The following NPAS3 variants were observed in gnomAD, a reference collection of about 807,000 sequenced individuals.
NPAS3 encodes neuronal PAS domain protein 3.
A neutral mutation model predicts 73.1 loss-of-function variants in NPAS3; 14 were observed. That is an observed-to-expected ratio of 0.19 (90% CI 0.13 to 0.30). The LOEUF is 0.30. Ranked by LOEUF, NPAS3 falls within the 10% of genes least tolerant of loss-of-function variation. The pLI, the probability that NPAS3 is intolerant of heterozygous loss-of-function variation, is 1.00. For synonymous variants in NPAS3, 620 were observed against 541.5 expected (o/e 1.14, Z -2.01); for missense variants, 1,096 against 1,250.0 (o/e 0.88, Z 1.86).
At chr14:33,566,414 G>A (rs1203521476) in intron 5 of NPAS3, among the ~76,000 whole-genome samples, 3 of 152,018 alleles carry the variant, frequency 2.0e-5, no homozygotes, top group Admixed American at 1.3e-4. Context: ...TCCTCTGTTC[G>A]ATCCAGATAT....
At chr14:33,379,499 G>T (rs921183584) in intron 4 of NPAS3, among the ~76,000 whole-genome samples, 1 of 152,160 alleles carries the variant, frequency 6.6e-6, no homozygotes, top group African/African-American at 2.4e-5. Context: ...CTTTAGAGTA[G>T]CCCTTGGTGG....
chr14:33,304,720 GCA>G (rs2042690071), intron 3 of NPAS3, among the ~76,000 whole-genome samples: 1 of 151,938 alleles, frequency 6.6e-6, no homozygotes, highest in African/African-American at 2.4e-5. Flanking sequence ...GGTTTATCTA[GCA>G]TCTATAACCA....
chr14:33,787,085 C>T (rs985819283), intron 9 of NPAS3, among the ~76,000 whole-genome samples: 1 of 152,006 alleles, frequency 6.6e-6, no homozygotes, highest in Admixed American at 6.6e-5. Flanking sequence ...AAAAAAAATA[C>T]TCTATCCTTA....
chr14:33,016,100 A>T (rs2039382371), intron 1 of NPAS3, among the ~76,000 whole-genome samples: 2 of 152,160 alleles, frequency 1.3e-5, no homozygotes, highest in South Asian at 4.1e-4. Context: ...GCTTTGCCCT[A>T]AAAAACAATC....
chr14:33,223,162 T>C (rs1364696202), intron 3 of NPAS3, among the ~76,000 whole-genome samples: 5 of 152,038 alleles, frequency 3.3e-5, no homozygotes, highest in Non-Finnish European at 4.4e-5. Context: ...AATACAAAAA[T>C]TAGCCAGGTG....
At chr14:33,169,877 C>T (rs888764781) in intron 2 of NPAS3, among the ~76,000 whole-genome samples, 7 of 152,146 alleles carry the variant, frequency 4.6e-5, no homozygotes, top group African/African-American at 7.2e-5. Flanking sequence ...GAGACCTTGT[C>T]GGTACCTGAT....
intron 4 of NPAS3, among the ~76,000 whole-genome samples, chr14:33,554,215 C>G (rs2055250210): frequency 6.6e-6 from 1 of 152,172 alleles, no homozygotes; most frequent in African/African-American, 2.4e-5. Flanking sequence ...GCAAAGCTGT[C>G]TTAGCAGCTA....
intron 2 of NPAS3, among the ~76,000 whole-genome samples, chr14:33,121,921 A>G (rs910879612): frequency 3.9e-5 from 6 of 152,162 alleles, no homozygotes; most frequent in African/African-American, 1.4e-4. Context: ...CTCAGATGAC[A>G]GAAGTTTATC....
chr14:33,145,259 CT>C (rs1198908930), intron 2 of NPAS3, among the ~76,000 whole-genome samples: 1 of 152,050 alleles, frequency 6.6e-6, no homozygotes, highest in Admixed American at 6.5e-5. Context: ...GAATGTCTTT[CT>C]TTTCCAATCC....
chr14:33,274,879 TAAGAA>T (rs1368226731), intron 3 of NPAS3, among the ~76,000 whole-genome samples: 1 of 152,156 alleles, frequency 6.6e-6, no homozygotes, highest in Admixed American at 6.5e-5. Context: ...CATTTTTATA[TAAGAA>T]AAGTTCAAGG....
intron 7 of NPAS3, 50 bp from the exon 8 acceptor site, chr14:33,774,287 A>G (rs1204399525): frequency 1.4e-6 from 2 of 1,447,546 alleles, no homozygotes; most frequent in East Asian, 2.3e-5. Context: ...ATGCTGTTAT[A>G]TCTGGGATGT....
intron 2 of NPAS3, among the ~76,000 whole-genome samples, chr14:33,106,589 T>A (rs949857921): frequency 6.6e-5 from 10 of 152,204 alleles, no homozygotes; most frequent in Non-Finnish European, 1.2e-4. Context: ...GAGACCACCT[T>A]AGTCTTCCAC....
At chr14:33,238,623 A>G (rs1431115155) in intron 3 of NPAS3, among the ~76,000 whole-genome samples, 3 of 152,016 alleles carry the variant, frequency 2.0e-5, no homozygotes, top group Non-Finnish European at 2.9e-5. Context: ...ATGGCAAAAG[A>G]CGATACTGTC....
chr14:33,098,999 C>T (rs1420857613), intron 2 of NPAS3, among the ~76,000 whole-genome samples: 4 of 152,140 alleles, frequency 2.6e-5, no homozygotes, highest in Admixed American at 6.5e-5. Context: ...TCCTTGTATC[C>T]GTGGAGCCGA....
intron 2 of NPAS3, among the ~76,000 whole-genome samples, chr14:33,065,111 T>A (rs1247712409): frequency 6.6e-6 from 1 of 152,202 alleles, no homozygotes; most frequent in Non-Finnish European, 1.5e-5. Context: ...CGAGAACTAG[T>A]GATATACTCA....
intron 3 of NPAS3, among the ~76,000 whole-genome samples, chr14:33,226,161 T>G (rs552918797): frequency 1.3e-5 from 2 of 152,312 alleles, no homozygotes; most frequent in South Asian, 2.1e-4. Flanking sequence ...TTTCTCACTT[T>G]AATATAGCAA....
chr14:33,118,100 T>C (rs2043124129), intron 2 of NPAS3, among the ~76,000 whole-genome samples: 1 of 152,124 alleles, frequency 6.6e-6, no homozygotes, highest in Admixed American at 6.6e-5. Context: ...TAAGGAATTA[T>C]GTTGAATGAC....
At chr14:33,011,076 C>T (rs2383418) in intron 1 of NPAS3, among the ~76,000 whole-genome samples, 89,624 of 151,922 alleles carry the variant, frequency 0.59, 27,810 homozygotes, top group Non-Finnish European at 0.7. Flanking sequence ...TGGGTTAAAT[C>T]GAGGAATAGA....
intron 11 of NPAS3, 54 bp downstream of exon 11, chr14:33,797,635 G>T: frequency 1.3e-6 from 2 of 1,591,698 alleles, no homozygotes; most frequent in Non-Finnish European, 1.7e-6. Context: ...CCACGCGCAG[G>T]GGGTGGGCAA....
Sources: allele counts gnomAD v4.1 joint callset (sites outside exome capture counted in the v4.1 genomes callset), GRCh38; gene constraint gnomAD v4.1.1; transcripts MANE v1.5; gene names NCBI Gene and HGNC (gene_info 2026-07-23, HGNC 2026-07-21).